Variants in SHC4 observed in about 807,000 individuals in gnomAD.
SHC4 encodes the protein SHC adaptor protein 4, also known as SHC-transforming protein 4.
A neutral mutation model predicts 69.4 loss-of-function variants in SHC4; 41 were observed. That is an observed-to-expected ratio of 0.59 (90% CI 0.46 to 0.77). The LOEUF is 0.77. SHC4 is among the 30% of genes least tolerant of loss of function. SHC4 has a pLI of 0.00. For missense variants in SHC4, 777 were observed against 783.8 expected (o/e 0.99, Z 0.10); for synonymous variants, 318 against 299.3 (o/e 1.06, Z -0.64).
At chr15:48,851,542 C>T (rs1899214771) in intron 8 of SHC4, among the ~76,000 whole-genome samples, 1 of 152,146 alleles carries the variant, frequency 6.6e-6, no homozygotes, top group African/African-American at 2.4e-5. Flanking sequence ...CATGCCAGAA[C>T]TCAATCCAAG....
At chr15:48,895,134 T>G (rs1314658279) in intron 2 of SHC4, among the ~76,000 whole-genome samples, 1 of 152,024 alleles carries the variant, frequency 6.6e-6, no homozygotes, top group Non-Finnish European at 1.5e-5. Flanking sequence ...CTCTTTATGG[T>G]CAGGCCCAGA....
At chr15:48,876,651 G>A (rs763545302) in intron 4 of SHC4, 62 of 673,578 alleles carry the variant, frequency 9.2e-5, no homozygotes, top group South Asian at 6.3e-5. Flanking sequence ...TTCGAGGGCA[G>A]GAAGCATCCA....
At chr15:48,840,710 C>A (rs181957502) in intron 10 of SHC4, among the ~76,000 whole-genome samples, 2 of 152,288 alleles carry the variant, frequency 1.3e-5, no homozygotes, top group East Asian at 3.9e-4. Flanking sequence ...CACCCCATCT[C>A]TTTATCAAAT....
At chr15:48,876,674 G>T in intron 4 of SHC4, 1 of 630,440 alleles carries the variant, frequency 1.6e-6, no homozygotes, top group South Asian at 1.8e-5. Flanking sequence ...ACAGGAGAAA[G>T]ATTTAGGCTG....
At chr15:48,886,565 A>T (rs1236090343) in intron 3 of SHC4, among the ~76,000 whole-genome samples, 1 of 152,176 alleles carries the variant, frequency 6.6e-6, no homozygotes, top group Non-Finnish European at 1.5e-5. Flanking sequence ...TTGTCAAGGG[A>T]CCTTAGACAA....
In SHC4 at chr15:48,851,253, A is replaced by G. The variant is rs1899210002; in HGVS notation, c.1243-5T>C. On this transcript the variant is annotated splice_polypyrimidine_tract_variant and splice_region_variant and intron_variant, in intron 8 of 11. Transcript: ENST00000332408. ...GCTGCACTTGGAGTTTCCAGGCTGCATGAACAACAAATTATGAAACATTTA... is the reference window on the plus strand; with the variant it reads ...GCTGCACTTGGAGTTTCCAGGCTGCGTGAACAACAAATTATGAAACATTTA... The G allele has an allele frequency of 1.2e-6, 2 of 1,614,048 alleles. No individual in the cohort carries two copies. The highest frequency in any genetic ancestry group is 1.7e-6 in the Non-Finnish European group (2 of 1,179,922).
In SHC4 at chr15:48,963,061, G is replaced by C; in HGVS notation, c.-46C>G. 4 of 1,540,902 alleles carry C rather than the reference G, an allele frequency of 2.6e-6. No homozygotes were observed. The highest frequency in any genetic ancestry group is 3.5e-6 in the Non-Finnish European group (4 of 1,140,926). On this transcript the variant is annotated 5_prime_UTR_variant, in exon 1 of 12. Transcript: ENST00000332408. ...AGGATACTGTTGCATAAATCGCCTC[G>C]TCGTCTGGTAGATAAACGGTGCAGA...
rs756349006 is a variant in SHC4 at position 48,962,525 on chromosome 15, G to A, written c.491C>T (p.Pro164Leu). Residue 164 changes from proline to leucine, a missense_variant, in exon 1 of 12, where the codon CCG (proline) becomes CTG (leucine). By Grantham distance (98) the Pro-to-Leu change is moderately conservative. Coordinates refer to ENST00000332408, the MANE Select transcript of SHC4 (RefSeq NM_203349.4). ...RATALTPDSC[P>L]LPGPGEPTLR... ...TGTTGGCTCCCCAGGGCCAGGAAGC[G>A]GGCACGAATCAGGGGTTAGGGCGGT... 4 of 1,591,220 alleles carry A rather than the reference G, an allele frequency of 2.5e-6. No homozygotes were observed. Among genetic ancestry groups the A allele is most frequent in the South Asian group, 1.1e-5 (1 of 87,428 alleles).
chr15:48,938,704 C>T (rs897150798), intron 1 of SHC4, among the ~76,000 whole-genome samples: 11 of 152,044 alleles, frequency 7.2e-5, no homozygotes, highest in African/African-American at 2.4e-4. Context: ...AGCAGATGCC[C>T]CAGCCAATGT....
chr15:48,947,358 A>G (rs1312553531), intron 1 of SHC4: 1 of 152,212 alleles, frequency 6.6e-6, no homozygotes, highest in African/African-American at 2.4e-5. Flanking sequence ...CCTAATCCAC[A>G]AGAGAGAAAA....
chr15:48,942,846 A>G (rs1901200283), intron 1 of SHC4, among the ~76,000 whole-genome samples: 1 of 152,232 alleles, frequency 6.6e-6, no homozygotes, highest in South Asian at 2.1e-4. Context: ...CACTGACTAC[A>G]CACCAAACCT....
chr15:48,838,849 G>C (rs773522988), intron 10 of SHC4, among the ~76,000 whole-genome samples: 26 of 152,080 alleles, frequency 1.7e-4, no homozygotes, highest in Non-Finnish European at 3.8e-4. Context: ...AATTAAGTTA[G>C]ATCCCCAACC....
At chr15:48,868,821 T>C (rs140035601) in intron 5 of SHC4, among the ~76,000 whole-genome samples, 4,052 of 152,314 alleles carry the variant, frequency 0.027, 71 homozygotes, top group Middle Eastern at 0.068. Flanking sequence ...AACACATACC[T>C]GAGTAAATTT....
intron 2 of SHC4, among the ~76,000 whole-genome samples, chr15:48,920,648 C>T (rs906293944): frequency 6.6e-6 from 1 of 152,146 alleles, no homozygotes; most frequent in African/African-American, 2.4e-5. Context: ...AAATAGACTG[C>T]AGAGCCATCC....
At chr15:48,887,118 A>C (rs1178240077) in intron 3 of SHC4, among the ~76,000 whole-genome samples, 1 of 152,206 alleles carries the variant, frequency 6.6e-6, no homozygotes, top group Non-Finnish European at 1.5e-5. Context: ...AACTCATGGG[A>C]GATCACATAA....
intron 1 of SHC4, among the ~76,000 whole-genome samples, chr15:48,956,497 C>T (rs1901456077): frequency 2.0e-5 from 3 of 152,160 alleles, no homozygotes; most frequent in Admixed American, 2.0e-4. Context: ...GACACCAAGT[C>T]CAGTCAGACC....
At chr15:48,921,016 A>G (rs1900742459) in intron 2 of SHC4, among the ~76,000 whole-genome samples, 1 of 152,134 alleles carries the variant, frequency 6.6e-6, no homozygotes, top group African/African-American at 2.4e-5. Context: ...GGAAGAGAAG[A>G]GAATGTTATG....
intron 10 of SHC4, among the ~76,000 whole-genome samples, chr15:48,840,441 G>C (rs1170281890): frequency 6.6e-6 from 1 of 152,138 alleles, no homozygotes; most frequent in African/African-American, 2.4e-5. Context: ...CATTAGGTTA[G>C]TAACTCTGGA....
chr15:48,931,953 G>A (rs1423652087), intron 1 of SHC4, among the ~76,000 whole-genome samples: 5 of 151,776 alleles, frequency 3.3e-5, no homozygotes, highest in African/African-American at 1.2e-4. Flanking sequence ...AATGCAAACA[G>A]AAACACAAGA....
Sources: allele counts gnomAD v4.1 joint callset (sites outside exome capture counted in the v4.1 genomes callset), GRCh38; gene constraint gnomAD v4.1.1; transcripts MANE v1.5; gene names NCBI Gene and HGNC (gene_info 2026-07-23, HGNC 2026-07-21).